Variants in CHST11 observed in about 807,000 individuals in gnomAD.
CHST11 encodes the protein C4S-1.
A neutral mutation model predicts 30.4 loss-of-function variants in CHST11; 9 were observed. The observed-to-expected ratio is 0.30, with a 90% CI of 0.18 to 0.52. CHST11 has a LOEUF of 0.52. Among genes scored for constraint, CHST11 ranks in the 20% least tolerant of loss-of-function variants. The probability of loss-of-function intolerance (pLI) is 0.97; values close to 1 mark genes in which losing one functional copy is unlikely to be tolerated. For missense variants in CHST11, 348 were observed against 460.6 expected (o/e 0.76, Z 2.24); for synonymous variants, 152 against 187.8 (o/e 0.81, Z 1.56).
intron 1 of CHST11, among the ~76,000 whole-genome samples, chr12:104,491,018 T>A (rs1049062341): frequency 1.5e-5 from 2 of 135,382 alleles, no homozygotes; most frequent in Non-Finnish European, 3.3e-5. Flanking sequence ...GGGAGGTCTC[T>A]GGCTTTTTTT....
intron 2 of CHST11, among the ~76,000 whole-genome samples, chr12:104,710,749 C>A (rs1049650189): frequency 1.5e-4 from 23 of 152,194 alleles, no homozygotes; most frequent in African/African-American, 5.5e-4. Context: ...GATTTAACCT[C>A]CCCTCTTCTA....
intron 2 of CHST11, among the ~76,000 whole-genome samples, chr12:104,661,413 A>G (rs1030907170): frequency 6.6e-6 from 1 of 152,018 alleles, no homozygotes; most frequent in Non-Finnish European, 1.5e-5. Flanking sequence ...ACTAATAATA[A>G]TAATACAAAA....
chr12:104,526,586 G>C (rs1385107039), intron 1 of CHST11, among the ~76,000 whole-genome samples: 3 of 152,212 alleles, frequency 2.0e-5, no homozygotes, highest in Non-Finnish European at 2.9e-5. Flanking sequence ...GTGCTTGTTA[G>C]AGGGGGCTTG....
intron 2 of CHST11, among the ~76,000 whole-genome samples, chr12:104,754,512 C>A (rs58054883): frequency 6.6e-6 from 1 of 152,138 alleles, no homozygotes; most frequent in Non-Finnish European, 1.5e-5. Context: ...CTCAGGGCAG[C>A]GTTCCAACAG....
intron 1 of CHST11, among the ~76,000 whole-genome samples, chr12:104,569,131 G>A (rs947459962): frequency 1.3e-5 from 2 of 152,164 alleles, no homozygotes; most frequent in African/African-American, 4.8e-5. Flanking sequence ...GAGCCAGGAT[G>A]TGACAGGACT....
intron 2 of CHST11, among the ~76,000 whole-genome samples, chr12:104,656,275 G>T (rs1383385671): frequency 1.3e-5 from 2 of 152,174 alleles, no homozygotes; most frequent in South Asian, 2.1e-4. Context: ...TTAAATCAAA[G>T]TCTAGCCGCA....
At chr12:104,540,068 C>T (rs1380798303) in intron 1 of CHST11, among the ~76,000 whole-genome samples, 1 of 152,198 alleles carries the variant, frequency 6.6e-6, no homozygotes, top group East Asian at 1.9e-4. Context: ...TAATACAGTG[C>T]CTATACATCA....
chr12:104,544,170 G>GAAAGAAAT (rs2038318495), intron 1 of CHST11, among the ~76,000 whole-genome samples: 1 of 120,114 alleles, frequency 8.3e-6, no homozygotes, highest in South Asian at 3.1e-4. Context: ...AAGAAAGAAA[G>GAAAGAAAT]AAAGAAAGAA....
chr12:104,742,839 G>C (rs1165832810), intron 2 of CHST11, among the ~76,000 whole-genome samples: 3 of 152,222 alleles, frequency 2.0e-5, no homozygotes, highest in Non-Finnish European at 4.4e-5. Flanking sequence ...CGGGTGGAAA[G>C]TGCCAGCGTC....
chr12:104,568,029 C>T (rs758354301), intron 1 of CHST11, among the ~76,000 whole-genome samples: 3 of 152,148 alleles, frequency 2.0e-5, no homozygotes, highest in Admixed American at 6.5e-5. Context: ...CAGGAGTAGA[C>T]TAAGACAGAG....
chr12:104,479,738 G>A (rs1264873951), intron 1 of CHST11, among the ~76,000 whole-genome samples: 1 of 152,188 alleles, frequency 6.6e-6, no homozygotes, highest in African/African-American at 2.4e-5. Flanking sequence ...ACTGAAAATG[G>A]CCGCATGAAC....
intron 1 of CHST11, among the ~76,000 whole-genome samples, chr12:104,574,328 A>C (rs1261471763): frequency 1.3e-5 from 2 of 152,136 alleles, no homozygotes; most frequent in Non-Finnish European, 2.9e-5. Context: ...CTAGAACTAG[A>C]AATACCATTT....
At chr12:104,749,803 C>A (rs1299455672) in intron 2 of CHST11, among the ~76,000 whole-genome samples, 1 of 152,186 alleles carries the variant, frequency 6.6e-6, no homozygotes, top group African/African-American at 2.4e-5. Flanking sequence ...ATCTCTCCTG[C>A]CCCATTTTGA....
At chr12:104,710,663 C>T (rs1371730083) in intron 2 of CHST11, among the ~76,000 whole-genome samples, 1 of 152,216 alleles carries the variant, frequency 6.6e-6, no homozygotes, top group Non-Finnish European at 1.5e-5. Flanking sequence ...AGCAGTAAGT[C>T]ACAGGTTTGA....
intron 2 of CHST11, among the ~76,000 whole-genome samples, chr12:104,665,254 T>C (rs916981846): frequency 6.6e-6 from 1 of 152,232 alleles, no homozygotes; most frequent in Non-Finnish European, 1.5e-5. Flanking sequence ...TCTGGGCTTA[T>C]TTTTACATCT....
At chr12:104,533,880 G>C (rs1231900003) in intron 1 of CHST11, among the ~76,000 whole-genome samples, 1 of 152,202 alleles carries the variant, frequency 6.6e-6, no homozygotes, top group Admixed American at 6.5e-5. Flanking sequence ...TGTAGCTCAT[G>C]TCCCGTTACA....
chr12:104,583,852 A>G (rs1001433956), intron 1 of CHST11, among the ~76,000 whole-genome samples: 1 of 152,114 alleles, frequency 6.6e-6, no homozygotes, highest in African/African-American at 2.4e-5. Context: ...AGCTGGGATT[A>G]CAGGCACCTG....
At chr12:104,638,759 A>G (rs1476219554) in intron 2 of CHST11, among the ~76,000 whole-genome samples, 3 of 152,232 alleles carry the variant, frequency 2.0e-5, no homozygotes, top group African/African-American at 7.2e-5. Flanking sequence ...ACCTAAAGGA[A>G]GAATTTCTCT....
chr12:104,743,576 A>G (rs910673902), intron 2 of CHST11, among the ~76,000 whole-genome samples: 3 of 152,240 alleles, frequency 2.0e-5, no homozygotes, highest in African/African-American at 7.2e-5. Context: ...GAGATATCAC[A>G]TGAAACCTAA....
Sources: gnomAD v4.1 joint callset for allele counts (sites outside exome capture counted in the v4.1 genomes callset) on GRCh38, gnomAD v4.1.1 for gene constraint, MANE v1.5 for transcripts, NCBI Gene and HGNC (gene_info 2026-07-23, HGNC 2026-07-21) for gene names.